FREM1: variants seen among roughly 807,000 people sequenced by gnomAD.
The protein encoded by FREM1 is FRAS1 related extracellular matrix 1, also known as FRAS1-related extracellular matrix protein 1.
FREM1 carries 220 observed loss-of-function variants against 210.1 expected under a neutral mutation model. That is an observed-to-expected ratio of 1.05 (90% confidence interval 0.94 to 1.17). FREM1 has a LOEUF of 1.17. FREM1 is among the 50% of genes most tolerant of loss of function. The pLI is 0.00. For synonymous variants in FREM1, 1,189 were observed against 980.2 expected (o/e 1.21, Z -3.98); for missense variants, 3,454 against 2,675.5 (o/e 1.29, Z -6.42).
intron 1 of FREM1, among the ~76,000 whole-genome samples, chr9:14,876,890 T>G (rs978228046): frequency 2.0e-5 from 3 of 152,170 alleles, no homozygotes; most frequent in Non-Finnish European, 4.4e-5. Context: ...ACATTTGGCA[T>G]CTAACGCAAC....
chr9:14,749,192 G>T (rs963572306), intron 30 of FREM1, among the ~76,000 whole-genome samples: 96 of 152,044 alleles, frequency 6.3e-4, no homozygotes, highest in African/African-American at 2.0e-3. Flanking sequence ...AAAATTTGAG[G>T]GCAAAACCCT....
intron 24 of FREM1, 195 bp downstream of exon 24, chr9:14,784,175 T>C (rs1850048372): frequency 2.0e-6 from 1 of 493,232 alleles, no homozygotes; most frequent in Non-Finnish European, 3.5e-6. Context: ...AGCTGAAAAA[T>C]GACTCATTTT....
intron 7 of FREM1, among the ~76,000 whole-genome samples, chr9:14,848,068 A>G (rs542237860): frequency 2.4e-4 from 36 of 152,328 alleles, no homozygotes; most frequent in South Asian, 6.2e-4. Context: ...CCTTAATACT[A>G]TCTACCACCA....
At chr9:14,745,915 G>A (rs951869347) in intron 35 of FREM1, among the ~76,000 whole-genome samples, 16 of 152,200 alleles carry the variant, frequency 1.1e-4, no homozygotes, top group Middle Eastern at 3.4e-3. Context: ...GAGGCCCGAC[G>A]TTATAAGGCT....
chr9:14,871,859 T>C (rs1289468151), intron 1 of FREM1, among the ~76,000 whole-genome samples: 6 of 152,304 alleles, frequency 3.9e-5, no homozygotes, highest in East Asian at 1.9e-4. Flanking sequence ...AAGGACGGGA[T>C]CCAGTTTCAG....
chr9:14,780,057 T>C (rs1454378332), intron 24 of FREM1, among the ~76,000 whole-genome samples: 3 of 152,196 alleles, frequency 2.0e-5, no homozygotes, highest in Admixed American at 2.0e-4. Flanking sequence ...ATCAATCAGA[T>C]GGTCTTCCAA....
intron 1 of FREM1, among the ~76,000 whole-genome samples, chr9:14,898,762 G>A (rs1040392789): frequency 6.6e-6 from 1 of 152,018 alleles, no homozygotes; most frequent in African/African-American, 2.4e-5. Context: ...ACAAAACATA[G>A]AATGTACAAC....
rs759825226 is a variant in FREM1 at position 14,789,010 on chromosome 9, C to G, written c.4086G>C (p.Gln1362His). Residue 1362 changes from glutamine to histidine, a missense_variant, in exon 23 of 37, where the codon CAG becomes CAC. Physicochemically the swap from Gln to His is conservative, Grantham distance 24. Coordinates refer to ENST00000380880, the MANE Select transcript of FREM1 (RefSeq NM_001379081.2). ...GGTAGAAGGTGAAGCTATCTTGATT[C>G]TGGGAATCCATTGCCCCGGTGTGTG... ...RYTHTGAMDS[Q>H]NQDSFTFYLW... 6.2e-7 allele frequency: 1 copy of G among 1,612,436 alleles called. No individual in the cohort carries two copies. Among genetic ancestry groups the G allele is most frequent in the Admixed American group, 1.7e-5 (1 of 59,824 alleles).
At chr9:14,892,997 G>A (rs1302875575) in intron 1 of FREM1, among the ~76,000 whole-genome samples, 6 of 152,212 alleles carry the variant, frequency 3.9e-5, no homozygotes, top group African/African-American at 1.4e-4. Flanking sequence ...GTGCTAAGCA[G>A]AGGGGCTAAT....
In FREM1 at chr9:14,910,089, A is replaced by C. The variant is rs567493226; in HGVS notation, c.-443T>G. 1 of 152,226 alleles carries C rather than the reference A, an allele frequency of 6.6e-6. No individual in the cohort carries two copies. The highest frequency in any genetic ancestry group is 2.4e-5 in the African/African-American group (1 of 41,456). 9.4% of individuals were successfully genotyped at this position (152,226 alleles called of 1,614,324 possible). A position where few individuals can be genotyped will look rare whatever the true frequency, so the allele number is the denominator to read the frequency against. ...CAGTCTTTCAGGTCAGCTGTGTTTG[A>C]GATTTCTTTTTACTAAAAATCCATT... On this transcript the variant is annotated 5_prime_UTR_variant, in exon 1 of 37. Transcript: ENST00000380880.
chr9:14,880,958 T>C lies in FREM1; in HGVS notation c.-267-11714A>G, dbSNP rs534546861. On this transcript the variant is annotated intron_variant, in intron 1 of 36. Transcript: ENST00000380880. Reference sequence around the variant, plus strand: ...ATACAAAGGGCAGATATATCTTTCTTCTCAGTGTGGCAATCCACCTATTAA... The same window carrying C: ...ATACAAAGGGCAGATATATCTTTCTCCTCAGTGTGGCAATCCACCTATTAA... Among the ~76,000 whole-genome samples, 53 of 152,312 alleles carry C rather than the reference T, an allele frequency of 3.5e-4. No individual in the cohort carries two copies. The South Asian group carries it at 0.01, about 29-fold the overall frequency.
At position 14,868,987 on chromosome 9, in the gene FREM1, G is replaced by A; in HGVS notation, c.-10C>T. 5.9e-6 allele frequency: 9 copies of A among 1,537,750 alleles called. No individual in the cohort carries two copies. The highest frequency in any genetic ancestry group is 7.9e-6 in the Non-Finnish European group (9 of 1,139,540). On this transcript the variant is annotated 5_prime_UTR_variant, in exon 2 of 37. Transcript: ENST00000380880. ...AACTCAGAGAGTTCATGCTGACAGG[G>A]CCCAACTCTTCTCTGTCCACCGGCG...
At chr9:14,767,115 T>C (rs929387407) in intron 27 of FREM1, among the ~76,000 whole-genome samples, 65 of 152,182 alleles carry the variant, frequency 4.3e-4, no homozygotes, top group African/African-American at 1.6e-3. Flanking sequence ...GCTTGAACAG[T>C]TACTAGATGA....
chr9:14,744,533 T>G (rs1224667752), intron 35 of FREM1, among the ~76,000 whole-genome samples: 2 of 152,108 alleles, frequency 1.3e-5, no homozygotes, highest in African/African-American at 4.8e-5. Context: ...CTATGTTCCA[T>G]TTTTGATTTA....
intron 20 of FREM1, among the ~76,000 whole-genome samples, chr9:14,800,450 A>T (rs1009749341): frequency 2.0e-5 from 3 of 152,228 alleles, no homozygotes; most frequent in Non-Finnish European, 4.4e-5. Context: ...TTTTTAAAAG[A>T]GTAATTAAAA....
chr9:14,883,410 A>C (rs141889520), intron 1 of FREM1, among the ~76,000 whole-genome samples: 1 of 152,276 alleles, frequency 6.6e-6, no homozygotes, highest in Non-Finnish European at 1.5e-5. Flanking sequence ...TTTGCATTCT[A>C]ATTTTGCTCT....
At chr9:14,811,353 C>A (rs775460487) in intron 16 of FREM1, among the ~76,000 whole-genome samples, 1 of 152,174 alleles carries the variant, frequency 6.6e-6, no homozygotes, top group African/African-American at 2.4e-5. Flanking sequence ...GAAAAGAAGA[C>A]AGATTCTTCT....
At chr9:14,803,102 T>A (rs1817614646) in intron 19 of FREM1, among the ~76,000 whole-genome samples, 1 of 145,418 alleles carries the variant, frequency 6.9e-6, no homozygotes, top group Non-Finnish European at 1.5e-5. Context: ...CTTCTTCTCT[T>A]TCCCTCCCTC....
At chr9:14,841,756 T>C (rs1356107854) in intron 9 of FREM1, among the ~76,000 whole-genome samples, 167 bp from the exon 10 acceptor site, 1 of 152,044 alleles carries the variant, frequency 6.6e-6, no homozygotes, top group Non-Finnish European at 1.5e-5. Flanking sequence ...AGCAGAAAAA[T>C]AATAAATAAT....
Sources: allele counts gnomAD v4.1 joint callset (sites outside exome capture counted in the v4.1 genomes callset), GRCh38; gene constraint gnomAD v4.1.1; transcripts MANE v1.5; gene names NCBI Gene and HGNC (gene_info 2026-07-23, HGNC 2026-07-21).